Variants in EEFSEC observed in about 807,000 individuals in gnomAD.
The protein encoded by EEFSEC is selenocysteine-specific elongation factor.
EEFSEC carries 43 observed loss-of-function variants against 42.1 expected under a neutral mutation model. The ratio of observed to expected loss-of-function variants is 1.02; its 90% CI spans 0.80 to 1.32. The LOEUF is 1.32. Among genes scored for constraint, EEFSEC ranks in the 40% most tolerant of loss-of-function variants. The pLI, the probability that EEFSEC is intolerant of heterozygous loss-of-function variation, is 0.00. For missense variants in EEFSEC, 745 were observed against 803.6 expected, an observed-to-expected ratio of 0.93 and a Z score of 0.88; for synonymous variants, 354 against 339.1, an observed-to-expected ratio of 1.04 and a Z score of -0.48.
chr3:128,397,150 G>A (rs1257243094), intron 6 of EEFSEC, among the ~76,000 whole-genome samples: 1 of 152,198 alleles, frequency 6.6e-6, no homozygotes, highest in East Asian at 1.9e-4. Context: ...CTGGTTGGGG[G>A]AGTCCCCAGT....
chr3:128,339,388 T>C (rs2067225501), intron 4 of EEFSEC, among the ~76,000 whole-genome samples: 1 of 152,204 alleles, frequency 6.6e-6, no homozygotes, highest in Non-Finnish European at 1.5e-5. Flanking sequence ...AACCTAAGTG[T>C]CAAAATTCTC....
chr3:128,312,650 G>A (rs1408270904), intron 4 of EEFSEC, among the ~76,000 whole-genome samples: 1 of 152,204 alleles, frequency 6.6e-6, no homozygotes, highest in Non-Finnish European at 1.5e-5. Flanking sequence ...CTTGTGGCAG[G>A]CCCTGTGTCC....
At chr3:128,326,996 G>A (rs754929266) in intron 4 of EEFSEC, among the ~76,000 whole-genome samples, 1 of 152,100 alleles carries the variant, frequency 6.6e-6, no homozygotes, top group Admixed American at 6.5e-5. Context: ...ATCATATTCT[G>A]AGCAGTGTTT....
At chr3:128,169,024 CT>C (rs2065268513) in intron 1 of EEFSEC, among the ~76,000 whole-genome samples, 5 of 152,164 alleles carry the variant, frequency 3.3e-5, no homozygotes, top group Admixed American at 2.0e-4. Flanking sequence ...GCAGAAGTGG[CT>C]TCTGCTTTCA....
chr3:128,170,203 T>A (rs185384924), intron 1 of EEFSEC, among the ~76,000 whole-genome samples: 1 of 152,188 alleles, frequency 6.6e-6, no homozygotes, highest in African/African-American at 2.4e-5. Context: ...CAGACTTGCA[T>A]GCATATTTTT....
chr3:128,254,138 C>T (rs866241040), intron 2 of EEFSEC, among the ~76,000 whole-genome samples: 2 of 152,122 alleles, frequency 1.3e-5, no homozygotes, highest in Non-Finnish European at 2.9e-5. Flanking sequence ...AGGGAATTTG[C>T]TTTGTGTCGG....
chr3:128,412,812 TGGGGCTCGCAAGGCTCTACA>T (rs1369239021), downstream of EEFSEC, among the ~76,000 whole-genome samples: 1 of 151,710 alleles, frequency 6.6e-6, no homozygotes, highest in Non-Finnish European at 1.5e-5. Context: ...GTGCTGGGAG[TGGGGCTCGCAAGGCTCTACA>T]GGGGCTCCAT....
At chr3:128,314,211 C>T (rs2066921553) in intron 4 of EEFSEC, among the ~76,000 whole-genome samples, 1 of 152,196 alleles carries the variant, frequency 6.6e-6, no homozygotes, top group Non-Finnish European at 1.5e-5. Flanking sequence ...TTCAGTGGCT[C>T]AATGTCCTTG....
chr3:128,298,624 C>G (rs1002590941), intron 4 of EEFSEC, among the ~76,000 whole-genome samples: 30 of 152,200 alleles, frequency 2.0e-4, no homozygotes, highest in African/African-American at 7.2e-4. Flanking sequence ...TTGAACTATA[C>G]AATACATTAT....
At chr3:128,240,359 C>T (rs2066057492) in intron 1 of EEFSEC, among the ~76,000 whole-genome samples, 1 of 152,130 alleles carries the variant, frequency 6.6e-6, no homozygotes, top group Admixed American at 6.5e-5. Context: ...TTGTTTAGGT[C>T]CTGATTGTGG....
chr3:128,357,332 A>T (rs1195327999), intron 5 of EEFSEC, among the ~76,000 whole-genome samples: 1 of 152,256 alleles, frequency 6.6e-6, no homozygotes, highest in Non-Finnish European at 1.5e-5. Context: ...TCAGGGCTGC[A>T]CCAAGCTGAC....
chr3:128,238,879 G>C (rs2066040772), intron 1 of EEFSEC, among the ~76,000 whole-genome samples: 1 of 152,224 alleles, frequency 6.6e-6, no homozygotes, highest in South Asian at 2.1e-4. Flanking sequence ...TCCGGTTCTT[G>C]GAGTTCTTAA....
intron 1 of EEFSEC, among the ~76,000 whole-genome samples, chr3:128,189,268 T>C (rs1279247233): frequency 6.6e-6 from 1 of 152,192 alleles, no homozygotes; most frequent in Non-Finnish European, 1.5e-5. Context: ...ATTCACACAA[T>C]GCATAATGAC....
chr3:128,251,252 G>A (rs1474709678), intron 2 of EEFSEC, among the ~76,000 whole-genome samples: 1 of 152,052 alleles, frequency 6.6e-6, no homozygotes, highest in Non-Finnish European at 1.5e-5. Context: ...TTAAGTTTCT[G>A]TTCTTAAAAA....
intron 4 of EEFSEC, among the ~76,000 whole-genome samples, chr3:128,272,462 T>A (rs1418957614): frequency 2.6e-5 from 4 of 152,168 alleles, no homozygotes; most frequent in Admixed American, 2.6e-4. Context: ...AACGGCCACC[T>A]TACTCCCAGG....
intron 1 of EEFSEC, among the ~76,000 whole-genome samples, chr3:128,163,584 A>G (rs755084713): frequency 6.6e-5 from 10 of 151,936 alleles, no homozygotes; most frequent in Non-Finnish European, 1.2e-4. Flanking sequence ...ACACTAAGTG[A>G]ACACTCAGTG....
intron 1 of EEFSEC, among the ~76,000 whole-genome samples, chr3:128,216,617 G>GCCC (rs762012222): frequency 4.6e-5 from 7 of 152,222 alleles, no homozygotes; most frequent in Non-Finnish European, 1.0e-4. Context: ...TCTGATGGCT[G>GCCC]GCCGTACATG....
chr3:128,284,422 G>T (rs938523787), intron 4 of EEFSEC, among the ~76,000 whole-genome samples: 12 of 152,100 alleles, frequency 7.9e-5, no homozygotes, highest in African/African-American at 2.9e-4. Context: ...GCAAGCTGGA[G>T]GGCCTTGGGG....
intron 1 of EEFSEC, among the ~76,000 whole-genome samples, chr3:128,156,531 A>G (rs11716941): frequency 0.14 from 21,357 of 152,232 alleles, 1,702 homozygotes; most frequent in African/African-American, 0.21. Flanking sequence ...AAGGCAACCC[A>G]TCCAACAGCA....
Sources: allele counts gnomAD v4.1 joint callset (sites outside exome capture counted in the v4.1 genomes callset), GRCh38; gene constraint gnomAD v4.1.1; transcripts MANE v1.5; gene names NCBI Gene and HGNC (gene_info 2026-07-23, HGNC 2026-07-21).